The following DPP6 variants were observed in gnomAD, a reference collection of about 807,000 sequenced individuals.
DPP6 encodes dipeptidyl peptidase like 6.
Under a neutral mutation model 122.6 loss-of-function variants are expected in DPP6, and 69 were observed. The observed-to-expected ratio is 0.56, with a 90% CI of 0.46 to 0.69. The LOEUF is 0.69. Ranked by LOEUF, DPP6 falls within the 30% of genes least tolerant of loss-of-function variation. The pLI, the probability that DPP6 is intolerant of heterozygous loss-of-function variation, is 0.00. For missense variants in DPP6, 928 were observed against 1,116.9 expected (o/e 0.83, Z 2.41); for synonymous variants, 418 against 433.1 (o/e 0.97, Z 0.43).
chr7:154,475,050 C>G lies in DPP6; in HGVS notation c.457+13C>G, dbSNP rs748823924. On this transcript the variant is annotated intron_variant, in intron 3 of 25. Coordinates refer to ENST00000377770, the MANE Select transcript of DPP6 (RefSeq NM_130797.4). The stretch of plus-strand genomic sequence containing the variant: ...AAGTGGATAAGTGGTGAGTCCAGGT[C>G]CTTCGTGCACAAGACATCGCTTCCC... The G allele has an allele frequency of 2.5e-6, 4 of 1,597,702 alleles. No homozygotes were observed. Among genetic ancestry groups the G allele is most frequent in the Admixed American group, 1.7e-5 (1 of 59,996 alleles).
At chr7:154,620,695 G>A (rs1361975446) in intron 5 of DPP6, among the ~76,000 whole-genome samples, 2 of 152,208 alleles carry the variant, frequency 1.3e-5, no homozygotes, top group African/African-American at 2.4e-5. Flanking sequence ...GTTACGAGCT[G>A]TAACGACGTC....
chr7:154,036,021 TGTG>T (rs1475595841), intron 1 of DPP6, among the ~76,000 whole-genome samples: 11 of 21,746 alleles, frequency 5.1e-4, no homozygotes, highest in Non-Finnish European at 8.0e-4. Context: ...CGCGCGCGCT[TGTG>T]TGTGTGTGTG....
intron 1 of DPP6, among the ~76,000 whole-genome samples, chr7:154,235,850 T>TTTTA (rs879280411): frequency 3.5e-4 from 53 of 152,146 alleles, no homozygotes; most frequent in Non-Finnish European, 1.3e-4. Context: ...CTTATCTTTA[T>TTTTA]TTTATTTATT....
At chr7:154,130,561 A>G (rs1235415865) in intron 1 of DPP6, among the ~76,000 whole-genome samples, 2 of 152,208 alleles carry the variant, frequency 1.3e-5, no homozygotes, top group African/African-American at 2.4e-5. Context: ...CATGAGGGAA[A>G]GCGTATCCGA....
chr7:153,813,952 T>A, the DPP6 span, among the ~76,000 whole-genome samples: 6,929 of 152,152 alleles, frequency 0.046, 559 homozygotes, highest in African/African-American at 0.16. Flanking sequence ...GTTGAGAAAA[T>A]TTTCTCCCAT....
chr7:154,440,348 A>AGG, intron 1 of DPP6, among the ~76,000 whole-genome samples: 1 of 151,982 alleles, frequency 6.6e-6, no homozygotes, highest in East Asian at 1.9e-4. Context: ...CACCCCCACT[A>AGG]CTAGCAAAAG....
At chr7:154,412,098 G>A (rs1816653913) in intron 1 of DPP6, among the ~76,000 whole-genome samples, 1 of 152,158 alleles carries the variant, frequency 6.6e-6, no homozygotes, top group Admixed American at 6.5e-5. Context: ...TGGAAGGGGT[G>A]AGAGAGCTCT....
At chr7:154,376,954 C>T (rs1413987787) in intron 1 of DPP6, among the ~76,000 whole-genome samples, 11 of 152,122 alleles carry the variant, frequency 7.2e-5, no homozygotes, top group African/African-American at 2.2e-4. Flanking sequence ...CTGTTCCTTA[C>T]CTCTGGAGGG....
In DPP6 at chr7:153,905,276, T is replaced by C. The variant is rs538194194; in HGVS notation, c.51+17542T>C. 1.3e-4 allele frequency among the ~76,000 whole-genome samples: 20 copies of C among 152,252 alleles called. No homozygotes were observed. In the South Asian group the frequency reaches 4.0e-3, roughly 30 times the overall value. ...AGAGGATCTGGTTCGTATGATTATG[T>C]TGGGAGAGAGGATCCTAGTTTCTCT... On this transcript the variant is annotated intron_variant, in intron 1 of 25. Coordinates refer to the DPP6 transcript ENST00000404039.
chr7:153,783,431 A>T, the DPP6 span, among the ~76,000 whole-genome samples: 8 of 152,166 alleles, frequency 5.3e-5, no homozygotes, highest in African/African-American at 1.7e-4. Context: ...CCACACCCAT[A>T]ATTCAATTAC....
chr7:153,992,083 G>A (rs1197428487), intron 1 of DPP6, among the ~76,000 whole-genome samples: 1 of 151,968 alleles, frequency 6.6e-6, no homozygotes, highest in Non-Finnish European at 1.5e-5. Context: ...TTATAAGGGT[G>A]GAGCCTCATG....
chr7:154,442,556 G>A (rs1054406466), intron 1 of DPP6, among the ~76,000 whole-genome samples: 3 of 152,110 alleles, frequency 2.0e-5, no homozygotes, highest in African/African-American at 4.8e-5. Context: ...GACATGGAAG[G>A]GAATGACTTG....
At chr7:154,829,918 A>C in intron 16 of DPP6, among the ~76,000 whole-genome samples, 1 of 151,770 alleles carries the variant, frequency 6.6e-6, no homozygotes, top group Admixed American at 6.6e-5. Context: ...TGGTGCACAG[A>C]CCCCTGGGCC....
intron 3 of DPP6, among the ~76,000 whole-genome samples, chr7:154,500,043 G>A (rs1825096502): frequency 6.6e-6 from 1 of 152,148 alleles, no homozygotes; most frequent in African/African-American, 2.4e-5. Context: ...ATGGGCATGG[G>A]CGGACTGTCA....
chr7:153,798,908 G>A, the DPP6 span, among the ~76,000 whole-genome samples: 6 of 152,222 alleles, frequency 3.9e-5, no homozygotes, highest in Middle Eastern at 3.4e-3. Context: ...TCCCTTACAC[G>A]GGTAGTTCAC....
intron 1 of DPP6, among the ~76,000 whole-genome samples, chr7:154,022,421 G>T (rs1202847947): frequency 6.6e-6 from 1 of 151,588 alleles, no homozygotes; most frequent in African/African-American, 2.4e-5. Flanking sequence ...GGAAGAAATA[G>T]AAAAAAAAGG....
intron 1 of DPP6, among the ~76,000 whole-genome samples, chr7:154,124,644 G>C (rs1248702863): frequency 6.6e-6 from 1 of 152,222 alleles, no homozygotes; most frequent in Non-Finnish European, 1.5e-5. Flanking sequence ...GATTTGACTT[G>C]CAAACAGAGT....
chr7:154,493,706 G>A lies in DPP6; in HGVS notation c.457+18669G>A, dbSNP rs558083781. Among the ~76,000 whole-genome samples, 263 of 152,208 alleles carry A rather than the reference G, an allele frequency of 1.7e-3. 2 individuals are homozygous for A. Among genetic ancestry groups the A allele is most frequent in the Non-Finnish European group, 2.9e-3 (194 of 68,014 alleles). ...ATTGTTGCCTTGTTATTTGGCTTTC[G>A]TGAACTGTGTAAAAAGTTGTGAATT... On this transcript the variant is annotated intron_variant, in intron 3 of 25. Transcript: ENST00000377770.
chr7:153,898,757 A>G (rs1441033097), intron 1 of DPP6, among the ~76,000 whole-genome samples: 3 of 152,176 alleles, frequency 2.0e-5, no homozygotes, highest in African/African-American at 4.8e-5. Context: ...AACAGGGGCT[A>G]TGAGAAACAC....
Sources: gnomAD v4.1 joint callset for allele counts (sites outside exome capture counted in the v4.1 genomes callset) on GRCh38, gnomAD v4.1.1 for gene constraint, MANE v1.5 for transcripts, NCBI Gene and HGNC (gene_info 2026-07-23, HGNC 2026-07-21) for gene names.